FBXO34: variants seen among roughly 807,000 people sequenced by gnomAD.
FBXO34 encodes the protein F-box protein 34, also known as F-box only protein 34.
In FBXO34, 12 loss-of-function variants were observed where a neutral mutation model predicts 24.5. That is an observed-to-expected ratio of 0.49 (90% CI 0.31 to 0.79). FBXO34 has a LOEUF of 0.79. Ranked by LOEUF, FBXO34 falls within the 30% of genes least tolerant of loss-of-function variation. FBXO34 has a pLI of 0.04. For synonymous variants in FBXO34, 320 were observed against 311.9 expected, an observed-to-expected ratio of 1.03 and a Z score of -0.27; for missense variants, 823 against 857.7, an observed-to-expected ratio of 0.96 and a Z score of 0.51.
Position 55,350,713 on chromosome 14 carries a change from G to C in FBXO34, c.323G>C (p.Trp108Ser), listed in dbSNP as rs998055101. ...QGEEEGPLDI[W>S]AVVKPGNTKE... The stretch of plus-strand genomic sequence containing the variant: ...GAAGAAGAAGGACCACTTGATATCT[G>C]GGCTGTTGTGAAACCTGGAAATACC... The change falls in exon 2 of 2, where the codon TGG (tryptophan) becomes TCG (serine). Residue 108 changes from tryptophan to serine, a missense_variant. This residue lies in a region of FBXO34 where 693 missense variants were observed against 659.1 expected (regional missense o/e 1.05). Coordinates refer to ENST00000313833, the MANE Select transcript of FBXO34 (RefSeq NM_017943.4). 1.4e-5 allele frequency: 22 copies of C among 1,612,870 alleles called. No individual in the cohort carries two copies. The highest frequency in any genetic ancestry group is 1.7e-5 in the Non-Finnish European group (20 of 1,179,764).
At position 55,314,872 on chromosome 14, in the gene FBXO34, C is replaced by G. The variant is rs531660310; in HGVS notation, c.-10-35509C>G. Among the ~76,000 whole-genome samples the G allele has an allele frequency of 2.6e-5, 4 of 152,340 alleles. No individual in the cohort carries two copies. In the South Asian group the frequency reaches 8.3e-4, roughly 32 times the overall value. On this transcript the variant is annotated intron_variant, in intron 1 of 1. Transcript: ENST00000313833. ...AAAAGTGTCAGTCTTTCTCCCACTT[C>G]ATCCCCCCACTTCTCCCTCTTGGAG...
chr14:55,367,003 G>A (rs1404920079), intron 2 of FBXO34: 1 of 152,586 alleles, frequency 6.6e-6, no homozygotes, highest in East Asian at 1.9e-4. Flanking sequence ...AAAAGGGTTC[G>A]ATCACTTAAC....
At chr14:55,427,970 G>A in the FBXO34 span, among the ~76,000 whole-genome samples, 17 of 114,906 alleles carry the variant, frequency 1.5e-4, no homozygotes, top group South Asian at 2.9e-3. Context: ...CCGTCTCCCG[G>A]GTTCACGCCA....
chr14:55,327,907 G>GTTT (rs1491167583), intron 1 of FBXO34, among the ~76,000 whole-genome samples: 1 of 73,876 alleles, frequency 1.4e-5, no homozygotes, highest in African/African-American at 5.2e-5. Flanking sequence ...TGTTGTTGTT[G>GTTT]GTTTTTTTTT....
chr14:55,381,829 G>A, the FBXO34 span: 1 of 697,550 alleles, frequency 1.4e-6, no homozygotes, highest in Non-Finnish European at 2.4e-6. Context: ...TGACATGGAG[G>A]TGATGGGAGC....
At chr14:55,403,687 A>T in the FBXO34 span, among the ~76,000 whole-genome samples, 1 of 152,062 alleles carries the variant, frequency 6.6e-6, no homozygotes. Flanking sequence ...AACAACATCA[A>T]CAACAACAAC....
At chr14:55,319,438 C>G (rs751335758) in intron 1 of FBXO34, among the ~76,000 whole-genome samples, 2 of 148,748 alleles carry the variant, frequency 1.3e-5, no homozygotes, top group Non-Finnish European at 3.0e-5. Flanking sequence ...ACTTTTTGTT[C>G]TTCTTCTTTC....
In FBXO34 at chr14:55,280,077, C is replaced by A. The variant is rs117874562; in HGVS notation, c.-11+8540C>A. Among the ~76,000 whole-genome samples the A allele has an allele frequency of 5.5e-4, 83 of 152,246 alleles. 1 individual carries two copies. The East Asian group carries it at 0.015, about 27-fold the overall frequency. ...GATTGTGGAAAGAAAAATATTGAAA[C>A]TTCTGTTTATTCTTCTCATCCTACT... On this transcript the variant is annotated intron_variant, in intron 1 of 1. Transcript: ENST00000313833.
chr14:55,408,506 T>A, the FBXO34 span, among the ~76,000 whole-genome samples: 1 of 152,064 alleles, frequency 6.6e-6, no homozygotes, highest in Non-Finnish European at 1.5e-5. Context: ...GCGTGGTGGC[T>A]CATATCTGTA....
chr14:55,423,200 ATTT>A, the FBXO34 span, among the ~76,000 whole-genome samples: 1 of 152,204 alleles, frequency 6.6e-6, no homozygotes, highest in Non-Finnish European at 1.5e-5. Context: ...TAGTGAGATA[ATTT>A]TTACATATAC....
At chr14:55,392,224 A>G in the FBXO34 span, among the ~76,000 whole-genome samples, 3 of 152,174 alleles carry the variant, frequency 2.0e-5, no homozygotes, top group African/African-American at 7.2e-5. Context: ...GGTGGAGCTC[A>G]GGTGGTAATG....
chr14:55,351,989 G>T lies in FBXO34; in HGVS notation c.1599G>T (p.Leu533=). The T allele has an allele frequency of 1.2e-6, 2 of 1,614,136 alleles. No homozygotes were observed. Among genetic ancestry groups the T allele is most frequent in the East Asian group, 4.5e-5 (2 of 44,876 alleles). The change falls in exon 2 of 2, where the codon CTG becomes CTT. Residue 533 remains leucine (L), a synonymous_variant. Coordinates refer to ENST00000313833, the MANE Select transcript of FBXO34 (RefSeq NM_017943.4). ...GTGGGTCTGCTGAGCCATTTGTACT[G>T]CCAGCCTCTTCTGTGGAAAGTACAT... is the stretch of plus-strand genomic sequence containing the variant. ...EKSGSAEPFV[L]PASSVESTLP...
At chr14:55,347,113 G>A (rs1171931661) in intron 1 of FBXO34, among the ~76,000 whole-genome samples, 4 of 152,154 alleles carry the variant, frequency 2.6e-5, no homozygotes, top group African/African-American at 9.7e-5. Context: ...TTGATGTGTA[G>A]GTGCTATAAA....
In FBXO34 at chr14:55,352,566, C is replaced by T. The variant is rs1292664308; in HGVS notation, c.*40C>T. On this transcript the variant is annotated 3_prime_UTR_variant, in exon 2 of 2. Coordinates refer to ENST00000313833, the MANE Select transcript of FBXO34 (RefSeq NM_017943.4). ...GCAACAAAAGGACCGGTTTCTAAAGCTGCAAAACACCTAGATACACCGTTC... is the reference window on the plus strand; with the variant it reads ...GCAACAAAAGGACCGGTTTCTAAAGTTGCAAAACACCTAGATACACCGTTC... 40 of 1,509,180 alleles carry T rather than the reference C, an allele frequency of 2.7e-5. No individual in the cohort carries two copies. The highest frequency in any genetic ancestry group is 3.1e-5 in the Non-Finnish European group (35 of 1,116,326). The allele number at this position is 1,509,180 out of a possible 1,614,324, so 93.5% of individuals were successfully genotyped here. A position where few individuals can be genotyped will look rare whatever the true frequency, so the allele number is the denominator to read the frequency against.
intron 1 of FBXO34, among the ~76,000 whole-genome samples, chr14:55,347,825 A>G (rs1193319971): frequency 2.0e-5 from 3 of 152,374 alleles, no homozygotes; most frequent in Non-Finnish European, 4.4e-5. Context: ...CATATTGTGC[A>G]ATGCACAATG....
downstream of FBXO34, among the ~76,000 whole-genome samples, chr14:55,364,230 T>TG (rs1884632103): frequency 6.6e-6 from 1 of 152,076 alleles, no homozygotes; most frequent in Non-Finnish European, 1.5e-5. Flanking sequence ...ATTACAGGTG[T>TG]GAGCCACCAC....
chr14:55,356,418 C>CT (rs1241370558), downstream of FBXO34, among the ~76,000 whole-genome samples: 3 of 152,106 alleles, frequency 2.0e-5, no homozygotes, highest in African/African-American at 7.2e-5. Context: ...TGTGCAGTGT[C>CT]TGACACTTGG....
the FBXO34 span, among the ~76,000 whole-genome samples, chr14:55,383,469 T>A: frequency 6.6e-6 from 1 of 152,000 alleles, no homozygotes; most frequent in African/African-American, 2.4e-5. Context: ...GAGAATTGCT[T>A]GAACCTGGGA....
chr14:55,379,939 A>C, the FBXO34 span, among the ~76,000 whole-genome samples: 1 of 152,078 alleles, frequency 6.6e-6, no homozygotes, highest in African/African-American at 2.4e-5. Flanking sequence ...TTATTAAAAA[A>C]CAACAACAAC....
Sources: gnomAD v4.1 joint callset for allele counts (sites outside exome capture counted in the v4.1 genomes callset) on GRCh38, gnomAD v4.1.1 for gene constraint, gnomAD v4.1.1 regional missense constraint, MANE v1.5 for transcripts, NCBI Gene and HGNC (gene_info 2026-07-23, HGNC 2026-07-21) for gene names.